The following CIRBP variants were observed in gnomAD, a reference collection of about 807,000 sequenced individuals.
The protein encoded by CIRBP is cold-inducible RNA-binding protein.
CIRBP carries 11 observed loss-of-function variants against 22.3 expected under a neutral mutation model. That is an observed-to-expected ratio of 0.49 (90% CI 0.31 to 0.82). CIRBP has a LOEUF of 0.82. Among genes scored for constraint, CIRBP ranks in the 40% least tolerant of loss-of-function variants. CIRBP has a pLI of 0.05. For missense variants in CIRBP, 456 were observed against 402.7 expected, an observed-to-expected ratio of 1.13 and a Z score of -1.13; for synonymous variants, 216 against 158.8, an observed-to-expected ratio of 1.36 and a Z score of -2.71.
chr19:1,271,464 A>G lies in CIRBP; in HGVS notation c.346A>G (p.Arg116Gly). 3 of 1,607,660 alleles carry G rather than the reference A, an allele frequency of 1.9e-6. No homozygotes were observed. The highest frequency in any genetic ancestry group is 1.7e-6 in the Non-Finnish European group (2 of 1,176,902). ...GGRGRGRGFS[R>G]GGGDRGYGGN... ...CCGAGGACGGGGCCGTGGGTTCTCT[A>G]GAGGTGAGTGCCATGAGTGGGTCCC... Residue 116 changes from arginine to glycine, a missense_variant, in exon 4 of 6, where the codon AGA becomes GGA. By Grantham distance (125) the Arg-to-Gly change is moderately radical. Around this residue, in one of 2 missense-constraint regions of CIRBP, gnomAD observed 426 missense variants for 339.6 expected, o/e 1.25. Transcript: ENST00000587896.
Position 1,272,659 on chromosome 19 carries a change from G to A in CIRBP, c.*216G>A. ...TTTTAAGGAAGTGCTGTTTTTTTTT[G>A]AGGGTTTTCAAAACATTTTGAAAAG... On this transcript the variant is annotated 3_prime_UTR_variant, in exon 6 of 6. Coordinates refer to ENST00000587896, the MANE Select transcript of CIRBP (RefSeq NM_001300829.2). The A allele has an allele frequency of 2.3e-6, 1 of 427,966 alleles. No individual in the cohort carries two copies. The highest frequency in any genetic ancestry group is 6.1e-4 in the Middle Eastern group (1 of 1,648). 26.5% of individuals were successfully genotyped at this position (427,966 alleles called of 1,614,324 possible).
Position 1,272,061 on chromosome 19 carries a change from A to C in CIRBP, c.512A>C (p.His171Pro). 4.3e-6 allele frequency: 7 copies of C among 1,613,952 alleles called. No homozygotes were observed. The Middle Eastern group carries it at 6.6e-4, about 152-fold the overall frequency. The part of the protein sequence containing the change: ...RDSYDSYGKS[H>P]SEGATLLWPA... ...AGTTATGACAGTTACGGTAAGTCACACTCCGAGGGCGCCACGCTGCTGTGG... is the reference window on the plus strand; with the variant it reads ...AGTTATGACAGTTACGGTAAGTCACCCTCCGAGGGCGCCACGCTGCTGTGG... Residue 171 changes from histidine to proline, a missense_variant, in exon 6 of 6, where the codon CAC becomes CCC. Physicochemically the swap from His to Pro is moderately conservative, Grantham distance 77. Around this residue, in one of 2 missense-constraint regions of CIRBP, gnomAD observed 426 missense variants for 339.6 expected, o/e 1.25. Coordinates refer to ENST00000587896, the MANE Select transcript of CIRBP (RefSeq NM_001300829.2).
Position 1,271,013 on chromosome 19 carries a change from C to G in CIRBP, c.80C>G (p.Ser27Ter). Reference protein sequence around the residue: ...TNEQSLEQVFSKYGQISEVVV... With the variant: ...TNEQSLEQVF ...GAGCAGTCGCTGGAGCAGGTCTTCT[C>G]AAAGTACGGACAGATCTCTGAAGGT... The change falls in exon 2 of 6, where the codon TCA becomes TGA. Residue 27 changes from serine (S) to a stop codon, truncating the protein, a stop_gained. Coordinates refer to ENST00000587896, the MANE Select transcript of CIRBP (RefSeq NM_001300829.2). LOFTEE classifies it high-confidence loss of function. 6.2e-7 allele frequency: 1 copy of G among 1,613,992 alleles called. No homozygotes were observed. Among genetic ancestry groups the G allele is most frequent in the Non-Finnish European group, 8.5e-7 (1 of 1,179,986 alleles).
Position 1,272,607 on chromosome 19 carries a change from G to C in CIRBP, c.*164G>C. On this transcript the variant is annotated 3_prime_UTR_variant, in exon 6 of 6. Coordinates refer to ENST00000587896, the MANE Select transcript of CIRBP (RefSeq NM_001300829.2). ...ACCCAGCCTGACCGCTTCTGACGCC[G>C]GGATGGCCTCGTTACTAGACTTTTC... 2 of 621,828 alleles carry C rather than the reference G, an allele frequency of 3.2e-6. No individual in the cohort carries two copies. Among genetic ancestry groups the C allele is most frequent in the East Asian group, 2.7e-5 (1 of 36,670 alleles). The allele number at this position is 621,828 out of a possible 1,614,324, so 38.5% of individuals were successfully genotyped here. A position where few individuals can be genotyped will look rare whatever the true frequency, so the allele number is the denominator to read the frequency against.
Position 1,270,016 on chromosome 19 carries a change from T to C in CIRBP, c.-7+606T>C, listed in dbSNP as rs781043520. ...AAGTCTAGTTCTCAGAGCCACTGGG[T>C]GGCGGCCATTCCCAGCCAGTGAATG... On this transcript the variant is annotated intron_variant, in intron 1 of 5. Transcript: ENST00000587896. The C allele has an allele frequency of 5.8e-6, 3 of 519,806 alleles. No homozygotes were observed. The Admixed American group carries it at 5.8e-5, about 10-fold the overall frequency. 32.2% of individuals were successfully genotyped at this position (519,806 alleles called of 1,614,324 possible). A position where few individuals can be genotyped will look rare whatever the true frequency, so the allele number is the denominator to read the frequency against.
chr19:1,272,643 A>C lies in CIRBP; in HGVS notation c.*200A>C. ...GTTACTAGACTTTTCTTTTTAAGGAAGTGCTGTTTTTTTTTGAGGGTTTTC... is the reference window on the plus strand; with the variant it reads ...GTTACTAGACTTTTCTTTTTAAGGACGTGCTGTTTTTTTTTGAGGGTTTTC... On this transcript the variant is annotated 3_prime_UTR_variant, in exon 6 of 6. Transcript: ENST00000587896. The C allele has an allele frequency of 2.2e-6, 1 of 449,570 alleles. No homozygotes were observed. The highest frequency in any genetic ancestry group is 4.0e-6 in the Non-Finnish European group (1 of 251,358). 27.8% of individuals were successfully genotyped at this position (449,570 alleles called of 1,614,324 possible). A position where few individuals can be genotyped will look rare whatever the true frequency, so the allele number is the denominator to read the frequency against.
chr19:1,269,762 T>C (rs916831320), intron 1 of CIRBP: 2 of 428,486 alleles, frequency 4.7e-6, no homozygotes, highest in Non-Finnish European at 9.4e-6. Flanking sequence ...GCGCCCCCGG[T>C]CTCCAGGGCC....
chr19:1,269,970 A>C (rs1394351162), intron 1 of CIRBP: 2 of 519,784 alleles, frequency 3.8e-6, no homozygotes, highest in Non-Finnish European at 7.7e-6. Context: ...AAGTTGGCAC[A>C]GCTCCCAGTG....
intron 1 of CIRBP, chr19:1,269,704 A>C (rs536069407): frequency 5.7e-6 from 2 of 350,246 alleles, no homozygotes; most frequent in Admixed American, 3.9e-5. Context: ...GGAGTGGCGC[A>C]GGGTGCGCGC....
chr19:1,271,648 G>T lies in CIRBP; in HGVS notation c.431+16G>T, dbSNP rs746704333. The T allele has an allele frequency of 6.8e-7, 1 of 1,464,306 alleles. No individual in the cohort carries two copies. 90.7% of individuals were successfully genotyped at this position (1,464,306 alleles called of 1,614,324 possible). A position where few individuals can be genotyped will look rare whatever the true frequency, so the allele number is the denominator to read the frequency against. On this transcript the variant is annotated intron_variant, in intron 5 of 5. Coordinates refer to ENST00000587896, the MANE Select transcript of CIRBP (RefSeq NM_001300829.2). Reference sequence around the variant, plus strand: ...ACTATAGCAGGTGAGGGGGAGGCCGGCCCAAGCACAGGGGTGGTTGCGGGA... The same window carrying T: ...ACTATAGCAGGTGAGGGGGAGGCCGTCCCAAGCACAGGGGTGGTTGCGGGA...
At position 1,270,143 on chromosome 19, in the gene CIRBP, C is replaced by G. The variant is rs780126220; in HGVS notation, c.-7+733C>G. 5.4e-5 allele frequency: 28 copies of G among 514,370 alleles called. 1 individual carries two copies. Among genetic ancestry groups the G allele is most frequent in the South Asian group, 3.9e-4 (28 of 71,260 alleles). The allele number at this position is 514,370 out of a possible 1,614,324, so 31.9% of individuals were successfully genotyped here. ...TGCCTTATCACTTCCGGGGCCATCC[C>G]TTCCCGATTCCCGGCCTAGGTCCTG... On this transcript the variant is annotated intron_variant, in intron 1 of 5. Transcript: ENST00000587896.
rs1268602256 is a variant in CIRBP, at chr19:1,274,298, C to T, written c.*1855C>T. 3.2e-5 allele frequency: 13 copies of T among 401,236 alleles called. No homozygotes were observed. Among genetic ancestry groups the T allele is most frequent in the South Asian group, 2.5e-4 (2 of 7,992 alleles). 24.9% of individuals were successfully genotyped at this position (401,236 alleles called of 1,614,324 possible). A position where few individuals can be genotyped will look rare whatever the true frequency, so the allele number is the denominator to read the frequency against. ...GGACGTTGGGAGTAACGCTGCTTTG[C>T]TTTGGCAGGTTGAAGGGGCCCGGCC... is the stretch of plus-strand genomic sequence containing the variant. On this transcript the variant is annotated 3_prime_UTR_variant, in exon 6 of 6. Coordinates refer to ENST00000587896, the MANE Select transcript of CIRBP (RefSeq NM_001300829.2).
chr19:1,270,858 A>C, intron 1 of CIRBP, 70 bp from the exon 2 acceptor site: 1 of 961,778 alleles, frequency 1.0e-6, no homozygotes, highest in East Asian at 2.4e-5. Context: ...TGTCATTTAC[A>C]TAAAATAGGA....
At position 1,271,417 on chromosome 19, in the gene CIRBP, G is replaced by A. The variant is rs1388802274; in HGVS notation, c.299G>A (p.Gly100Asp). Residue 100 changes from glycine (G) to aspartate (D), a missense_variant, in exon 4 of 6, where the codon GGC becomes GAC. Physicochemically the swap from Gly to Asp is moderately conservative, Grantham distance 94. Transcript: ENST00000587896. ...GGGTACCGTGGTGGCTCTGCCGGGGGCCGGGGCTTCTTCCGTGGGGGCCGA... is the reference window on the plus strand; with the variant it reads ...GGGTACCGTGGTGGCTCTGCCGGGGACCGGGGCTTCTTCCGTGGGGGCCGA... ...SRGYRGGSAG[G>D]RGFFRGGRGR... is the part of the protein sequence containing the mutation. 2 of 1,613,384 alleles carry A rather than the reference G, an allele frequency of 1.2e-6. No homozygotes were observed. Among genetic ancestry groups the A allele is most frequent in the East Asian group, 2.2e-5 (1 of 44,898 alleles).
rs956830083 is a variant in CIRBP at position 1,274,088 on chromosome 19, A to G, written c.*1645A>G. 2.6e-6 allele frequency: 1 copy of G among 385,920 alleles called. No individual in the cohort carries two copies. Among genetic ancestry groups the G allele is most frequent in the Non-Finnish European group, 4.6e-6 (1 of 218,464 alleles). The allele number at this position is 385,920 out of a possible 1,614,324, so 23.9% of individuals were successfully genotyped here. ...CCATTAGTTTTTTTCTAGAGCCCAC[A>G]CTGGCCCACATAGCTCCATCCCATA... On this transcript the variant is annotated 3_prime_UTR_variant, in exon 6 of 6. Coordinates refer to ENST00000587896, the MANE Select transcript of CIRBP (RefSeq NM_001300829.2).
chr19:1,269,507 GGGGGCGGGCCC>G (rs1245046414), intron 1 of CIRBP, 97 bp downstream of exon 1: 3 of 153,450 alleles, frequency 2.0e-5, no homozygotes, highest in Non-Finnish European at 4.3e-5. Context: ...GCCCCTGGGA[GGGGGCGGGCCC>G]GGGGTGGAGT....
In CIRBP at chr19:1,274,280, G is replaced by A. The variant is rs1600035552; in HGVS notation, c.*1837G>A. 19 of 401,154 alleles carry A rather than the reference G, an allele frequency of 4.7e-5. 1 individual carries two copies. In the East Asian group the frequency reaches 6.8e-4, roughly 14 times the overall value. 24.8% of individuals were successfully genotyped at this position (401,154 alleles called of 1,614,324 possible). On this transcript the variant is annotated 3_prime_UTR_variant, in exon 6 of 6. Coordinates refer to ENST00000587896, the MANE Select transcript of CIRBP (RefSeq NM_001300829.2). ...AGCTGTGAGCCCTGTGGAGGACGTT[G>A]GGAGTAACGCTGCTTTGCTTTGGCA...
chr19:1,271,772 A>G (rs1270312729), intron 5 of CIRBP, 140 bp downstream of exon 5: 12 of 703,898 alleles, frequency 1.7e-5, no homozygotes, highest in Non-Finnish European at 2.9e-5. Context: ...CCAAGAGGAG[A>G]GGAGACTGCT....
chr19:1,269,998 G>A (rs762454468), intron 1 of CIRBP: 2 of 519,886 alleles, frequency 3.8e-6, no homozygotes, highest in South Asian at 2.8e-5. Flanking sequence ...TCCAAGTCTA[G>A]TTCTCAGAGC....
Sources: gnomAD v4.1 joint callset for allele counts on GRCh38, gnomAD v4.1.1 for gene constraint, gnomAD v4.1.1 regional missense constraint, MANE v1.5 for transcripts, NCBI Gene and HGNC (gene_info 2026-07-23, HGNC 2026-07-21) for gene names.